Variants in STK38L observed in about 807,000 individuals in gnomAD.
STK38L encodes serine/threonine-protein kinase 38-like.
STK38L carries 28 observed loss-of-function variants against 59.7 expected under a neutral mutation model. The observed-to-expected ratio is 0.47, with a 90% CI of 0.35 to 0.64. The LOEUF (loss-of-function observed/expected upper bound fraction) is 0.64. Ranked by LOEUF, STK38L falls within the 30% of genes least tolerant of loss-of-function variation. The pLI, the probability that STK38L is intolerant of heterozygous loss-of-function variation, is 0.01. For synonymous variants in STK38L, 162 were observed against 176.8 expected, an observed-to-expected ratio of 0.92 and a Z score of 0.66; for missense variants, 314 against 555.8, an observed-to-expected ratio of 0.56 and a Z score of 4.37.
chr12:27,254,662 C>G (rs115818758), intron 1 of STK38L, among the ~76,000 whole-genome samples: 2 of 152,158 alleles, frequency 1.3e-5, no homozygotes, highest in African/African-American at 4.8e-5. Flanking sequence ...CATTGTATTT[C>G]TAGGCCAGCG....
chr12:27,306,933 G>C (rs189256386), intron 3 of STK38L, among the ~76,000 whole-genome samples: 5 of 152,098 alleles, frequency 3.3e-5, no homozygotes, highest in African/African-American at 1.2e-4. Context: ...GTTTTACCAT[G>C]TTGGCCAGGA....
chr12:27,274,662 A>G (rs528193544), intron 1 of STK38L, among the ~76,000 whole-genome samples: 1 of 152,378 alleles, frequency 6.6e-6, no homozygotes, highest in East Asian at 1.9e-4. Context: ...TAAGCCGTTC[A>G]TGATGAATAC....
intron 1 of STK38L, among the ~76,000 whole-genome samples, chr12:27,286,020 T>C (rs1453063049): frequency 6.6e-6 from 1 of 152,210 alleles, no homozygotes; most frequent in African/African-American, 2.4e-5. Context: ...ACCAAAAAAC[T>C]GTTGCCCTAA....
chr12:27,306,137 CTT>C (rs1394927470), intron 3 of STK38L, among the ~76,000 whole-genome samples: 1 of 152,146 alleles, frequency 6.6e-6, no homozygotes, highest in African/African-American at 2.4e-5. Context: ...GTGACTCTCT[CTT>C]TTTGCTATTA....
At chr12:27,295,179 A>G (rs2136636928) in intron 1 of STK38L, among the ~76,000 whole-genome samples, 1 of 152,378 alleles carries the variant, frequency 6.6e-6, no homozygotes, top group Non-Finnish European at 1.5e-5. Flanking sequence ...GTTTTAAAAA[A>G]TAATGCTCAT....
intron 1 of STK38L, among the ~76,000 whole-genome samples, chr12:27,255,481 T>C (rs984540286): frequency 2.0e-5 from 3 of 152,242 alleles, no homozygotes; most frequent in Non-Finnish European, 4.4e-5. Flanking sequence ...ATTTCTCAGA[T>C]TGTAAGAAAT....
chr12:27,318,992 C>G (rs1257512880), intron 11 of STK38L, among the ~76,000 whole-genome samples: 1 of 151,492 alleles, frequency 6.6e-6, no homozygotes, highest in South Asian at 2.1e-4. Flanking sequence ...CTCCGTCTCA[C>G]AAACAAACGA....
intron 1 of STK38L, among the ~76,000 whole-genome samples, chr12:27,259,312 G>A (rs1338118750): frequency 3.9e-5 from 6 of 152,126 alleles, no homozygotes; most frequent in African/African-American, 1.4e-4. Flanking sequence ...AAGAGTTATA[G>A]CATTCAGCAG....
chr12:27,259,069 C>G (rs924263870), intron 1 of STK38L, among the ~76,000 whole-genome samples: 1 of 152,180 alleles, frequency 6.6e-6, no homozygotes, highest in Non-Finnish European at 1.5e-5. Flanking sequence ...AATAAAGTTA[C>G]TTGGCAAGAC....
Position 27,308,352 on chromosome 12 carries a change from G to A in STK38L, c.200G>A (p.Arg67Gln), listed in dbSNP as rs948046373. The A allele has an allele frequency of 1.3e-6, 2 of 1,555,912 alleles. No individual in the cohort carries two copies. Among genetic ancestry groups the A allele is most frequent in the South Asian group, 1.2e-5 (1 of 82,150 alleles). The change falls in exon 4 of 14, where the codon CGA becomes CAA. Residue 67 changes from arginine to glutamine, a missense_variant. By Grantham distance (43) the Arg-to-Gln change is conservative. This residue lies in a region of STK38L where 192 missense variants were observed against 316.9 expected (regional missense o/e 0.61). Transcript: ENST00000389032. The surrounding 1 kb of genome is among the most constrained non-coding windows in gnomAD (Gnocchi z 4.5). ...TTTTTTTAATAGAAAAAGTTACGTC[G>A]ATCACAACACGCTCGCAAAGAAACA... ...GLADEEKKLR[R>Q]SQHARKETEF...
chr12:27,262,670 A>G (rs1943224265), intron 1 of STK38L, among the ~76,000 whole-genome samples: 1 of 149,032 alleles, frequency 6.7e-6, no homozygotes. Flanking sequence ...GCACCACTGC[A>G]CTCCAGCCTG....
chr12:27,269,402 G>C (rs1038849696), intron 1 of STK38L, among the ~76,000 whole-genome samples: 4 of 152,152 alleles, frequency 2.6e-5, no homozygotes, highest in South Asian at 2.1e-4. Context: ...TCTTGTTTTT[G>C]TCAGGTTTGT....
Position 27,281,067 on chromosome 12 carries a change from GTTTTTTTTTTTTTTTTTTTTT to G in STK38L, c.-11-16627_-11-16607del, listed in dbSNP as rs1167645624. On this transcript the variant is annotated intron_variant, in intron 1 of 13. Coordinates refer to ENST00000389032, the MANE Select transcript of STK38L (RefSeq NM_015000.4). ...CAGATTTATTTTTGGCTTTAGCTTTGTTTTTTTTTTTTTTTTTTTTTTTTTTTTTTTTTTTTGAGACGGAGT... is the reference window on the plus strand; with the variant it reads ...CAGATTTATTTTTGGCTTTAGCTTTGTTTTTTTTTTTTTTTGAGACGGAGT... 2.6e-4 allele frequency among the ~76,000 whole-genome samples: 3 copies of G among 11,548 alleles called. 1 individual carries two copies. Among genetic ancestry groups the G allele is most frequent in the South Asian group, 2.4e-3 (1 of 420 alleles). The allele number at this position is 11,548 out of a possible 152,430, so 7.6% of individuals were successfully genotyped here. A position where few individuals can be genotyped will look rare whatever the true frequency, so the allele number is the denominator to read the frequency against.
At chr12:27,256,131 T>C (rs1299470739) in intron 1 of STK38L, among the ~76,000 whole-genome samples, 3 of 152,246 alleles carry the variant, frequency 2.0e-5, no homozygotes, top group African/African-American at 7.2e-5. Flanking sequence ...AGAATATTCA[T>C]TCAGGTGCCC....
chr12:27,264,370 A>G (rs1389847296), intron 1 of STK38L, among the ~76,000 whole-genome samples: 2 of 152,196 alleles, frequency 1.3e-5, no homozygotes, highest in African/African-American at 2.4e-5. Flanking sequence ...ATAAGGTGGG[A>G]TGAAAGAGAT....
chr12:27,306,887 C>T (rs139600893), intron 3 of STK38L, among the ~76,000 whole-genome samples: 2,068 of 152,174 alleles, frequency 0.014, 21 homozygotes, highest in Non-Finnish European at 0.021. Flanking sequence ...CATGCCACCA[C>T]GCCCGGCTAA....
At chr12:27,286,637 T>TA (rs915707432) in intron 1 of STK38L, among the ~76,000 whole-genome samples, 15 of 151,880 alleles carry the variant, frequency 9.9e-5, no homozygotes, top group South Asian at 6.3e-4. Context: ...ATGCTTTGAT[T>TA]AAAAAAAAAT....
At chr12:27,253,902 G>A (rs1404701340) in intron 1 of STK38L, among the ~76,000 whole-genome samples, 1 of 152,206 alleles carries the variant, frequency 6.6e-6, no homozygotes, top group Non-Finnish European at 1.5e-5. Flanking sequence ...CTGAGCTTTT[G>A]TAAGAAAGTG....
rs73083099 is a variant in STK38L at position 27,291,641 on chromosome 12, G to T, written c.-11-6069G>T. On this transcript the variant is annotated intron_variant, in intron 1 of 13. Transcript: ENST00000389032. ...TCACCTATGAATTTCTTGCATTTTA[G>T]ACTGTGCCTCAGAGAGGAAAGAAGC... Among the ~76,000 whole-genome samples the T allele has an allele frequency of 8.8e-3, 1,342 of 152,296 alleles. 19 individuals are homozygous for T. Among genetic ancestry groups the T allele is most frequent in the Middle Eastern group, 0.027 (8 of 294 alleles).
Sources: allele counts gnomAD v4.1 joint callset (sites outside exome capture counted in the v4.1 genomes callset), GRCh38; gene constraint gnomAD v4.1.1; regional missense constraint gnomAD v4.1.1; non-coding constraint Gnocchi (gnomAD v3.1); transcripts MANE v1.5; gene names NCBI Gene and HGNC (gene_info 2026-07-23, HGNC 2026-07-21).